CIDEA: variants seen among roughly 807,000 people sequenced by gnomAD.
The protein encoded by CIDEA is cell death inducing DFFA like effector a, also known as lipid transferase CIDEA.
CIDEA carries 10 observed loss-of-function variants against 18.2 expected under a neutral mutation model. The ratio of observed to expected loss-of-function variants is 0.55; its 90% CI spans 0.34 to 0.93. The LOEUF is 0.93. Ranked by LOEUF, CIDEA falls within the 40% of genes least tolerant of loss-of-function variation. The probability of loss-of-function intolerance (pLI) is 0.02; values close to 1 mark genes in which losing one functional copy is unlikely to be tolerated. For missense variants in CIDEA, 309 were observed against 293.1 expected, an observed-to-expected ratio of 1.05 and a Z score of -0.40; for synonymous variants, 128 against 124.8, an observed-to-expected ratio of 1.03 and a Z score of -0.17.
intron 3 of CIDEA, among the ~76,000 whole-genome samples, chr18:12,269,623 T>G (rs1912456176): frequency 6.6e-6 from 1 of 152,244 alleles, no homozygotes; most frequent in Non-Finnish European, 1.5e-5. Flanking sequence ...GTTTTCCAAA[T>G]GTGCTGTGGA....
At chr18:12,276,982 G>A in intron 4 of CIDEA, 141 bp from the exon 5 acceptor site, 1 of 917,566 alleles carries the variant, frequency 1.1e-6, no homozygotes, top group South Asian at 1.6e-5. Context: ...TGCACTCTGA[G>A]AGTCAGACAG....
chr18:12,273,562 C>T (rs1568106391), intron 3 of CIDEA, among the ~76,000 whole-genome samples: 2 of 152,210 alleles, frequency 1.3e-5, no homozygotes, highest in South Asian at 2.1e-4. Context: ...ATGGAGTCCG[C>T]TCTCAACCCT....
chr18:12,274,054 G>T, intron 3 of CIDEA, 39 bp from the exon 4 acceptor site: 1 of 1,609,476 alleles, frequency 6.2e-7, no homozygotes, highest in Non-Finnish European at 8.5e-7. Context: ...GGAGGGTTAG[G>T]AAGGCTCCTG....
At chr18:12,270,040 TG>T (rs1429260565) in intron 3 of CIDEA, among the ~76,000 whole-genome samples, 1 of 152,232 alleles carries the variant, frequency 6.6e-6, no homozygotes, top group Non-Finnish European at 1.5e-5. Context: ...TCAGGATTCC[TG>T]GATGTCTCCA....
At position 12,277,423 on chromosome 18, in the gene CIDEA, G is replaced by A; in HGVS notation, c.*153G>A. ...TGGTGCCCAGAAAAGGAAAGGGCTTGGTGGTACATGAAGTGGGGGCAGTGG... is the reference window on the plus strand; with the variant it reads ...TGGTGCCCAGAAAAGGAAAGGGCTTAGTGGTACATGAAGTGGGGGCAGTGG... On this transcript the variant is annotated 3_prime_UTR_variant, in exon 5 of 5. Coordinates refer to ENST00000320477, the MANE Select transcript of CIDEA (RefSeq NM_001279.4). 2 of 880,902 alleles carry A rather than the reference G, an allele frequency of 2.3e-6. No homozygotes were observed. The highest frequency in any genetic ancestry group is 4.9e-5 in the Admixed American group (2 of 40,590). The allele number at this position is 880,902 out of a possible 1,614,324, so 54.6% of individuals were successfully genotyped here.
At chr18:12,257,500 C>G (rs1054905021) in intron 1 of CIDEA, among the ~76,000 whole-genome samples, 2 of 152,216 alleles carry the variant, frequency 1.3e-5, no homozygotes, top group Non-Finnish European at 2.9e-5. Context: ...TTCAGGTCTA[C>G]TGTCAGTCTG....
At chr18:12,267,330 C>T (rs1001396417) in intron 3 of CIDEA, among the ~76,000 whole-genome samples, 1 of 152,226 alleles carries the variant, frequency 6.6e-6, no homozygotes, top group African/African-American at 2.4e-5. Flanking sequence ...CATAGAAGTA[C>T]TTCTAAGTAA....
At chr18:12,255,044 G>A (rs1370099888) in intron 1 of CIDEA, 5 of 852,228 alleles carry the variant, frequency 5.9e-6, no homozygotes, top group Non-Finnish European at 7.9e-6. Context: ...CAAGGGGCGG[G>A]TGGACCCTGA....
chr18:12,270,894 C>CTTTTTTTTTT (rs771335202), intron 3 of CIDEA, among the ~76,000 whole-genome samples: 3 of 60,014 alleles, frequency 5.0e-5, no homozygotes, highest in Admixed American at 2.7e-4. Context: ...TTTTTCTTTT[C>CTTTTTTTTTT]TTTTTTTTTT....
chr18:12,264,211 C>A, intron 2 of CIDEA, 96 bp from the exon 3 acceptor site: 2 of 1,216,172 alleles, frequency 1.6e-6, no homozygotes, highest in South Asian at 1.8e-5. Flanking sequence ...AGAATCAGCC[C>A]AACACTTTTG....
At chr18:12,259,165 C>A (rs916137223) in intron 1 of CIDEA, among the ~76,000 whole-genome samples, 11 of 152,304 alleles carry the variant, frequency 7.2e-5, no homozygotes, top group Admixed American at 4.6e-4. Flanking sequence ...CAAACGTGTG[C>A]GGGTCATTCT....
Position 12,264,364 on chromosome 18 carries a change from G to A in CIDEA, c.241G>A (p.Gly81Ser). Residue 81 changes from glycine to serine, a missense_variant, in exon 3 of 5, where the codon GGC becomes AGC. Transcript: ENST00000320477. ...GGTCACTCTGGTGCTGGAGGAAGAT[G>A]GCACCGTGGTGGACACAGAAGAGTT... ...GLVTLVLEED[G>S]TVVDTEEFFQ... The A allele has an allele frequency of 1.9e-6, 3 of 1,613,990 alleles. No homozygotes were observed. The highest frequency in any genetic ancestry group is 2.5e-6 in the Non-Finnish European group (3 of 1,179,884).
chr18:12,275,412 C>T (rs867566479), intron 4 of CIDEA, among the ~76,000 whole-genome samples: 1 of 152,122 alleles, frequency 6.6e-6, no homozygotes, highest in South Asian at 2.1e-4. Context: ...TTTATGATTG[C>T]CAGGGCTCTA....
chr18:12,257,416 T>A (rs921674837), intron 1 of CIDEA, among the ~76,000 whole-genome samples: 1 of 151,862 alleles, frequency 6.6e-6, no homozygotes, highest in African/African-American at 2.4e-5. Flanking sequence ...CTGGGCCCTT[T>A]TCCTCCATAG....
At chr18:12,267,875 A>C (rs562686390) in intron 3 of CIDEA, among the ~76,000 whole-genome samples, 1 of 152,232 alleles carries the variant, frequency 6.6e-6, no homozygotes, top group Non-Finnish European at 1.5e-5. Context: ...ACATTTGTTA[A>C]TGTCTGAAGA....
intron 1 of CIDEA, among the ~76,000 whole-genome samples, chr18:12,261,297 T>C (rs1398791155): frequency 6.6e-6 from 1 of 152,072 alleles, no homozygotes; most frequent in African/African-American, 2.4e-5. Context: ...GGCAGGAGAA[T>C]TGCTTGAACC....
intron 3 of CIDEA, among the ~76,000 whole-genome samples, chr18:12,266,720 G>A (rs563320684): frequency 5.3e-5 from 8 of 151,870 alleles, no homozygotes; most frequent in East Asian, 1.9e-4. Flanking sequence ...GCATCCTCAC[G>A]TAGGGAAGGA....
chr18:12,255,138 C>T (rs1293976134), intron 1 of CIDEA, among the ~76,000 whole-genome samples: 1 of 152,222 alleles, frequency 6.6e-6, no homozygotes, highest in East Asian at 1.9e-4. Context: ...ATTCATATCC[C>T]AACAGACCCA....
rs191745104 is a variant in CIDEA at position 12,271,346 on chromosome 18, G to A, written c.331-2747G>A. Among the ~76,000 whole-genome samples, 427 of 152,326 alleles carry A rather than the reference G, an allele frequency of 2.8e-3. 1 individual carries two copies. Among genetic ancestry groups the A allele is most frequent in the Non-Finnish European group, 4.6e-3 (316 of 68,032 alleles). On this transcript the variant is annotated intron_variant, in intron 3 of 4. Coordinates refer to ENST00000320477, the MANE Select transcript of CIDEA (RefSeq NM_001279.4). ...TTATGAGAGGGAGGCAGGTGAGCATGAAGGCCAGAGGCAGAGGAGGAGGAG... is the reference window on the plus strand; with the variant it reads ...TTATGAGAGGGAGGCAGGTGAGCATAAAGGCCAGAGGCAGAGGAGGAGGAG...
Sources: gnomAD v4.1 joint callset for allele counts (sites outside exome capture counted in the v4.1 genomes callset) on GRCh38, gnomAD v4.1.1 for gene constraint, MANE v1.5 for transcripts, NCBI Gene and HGNC (gene_info 2026-07-23, HGNC 2026-07-21) for gene names.